DCP2: variants seen among roughly 807,000 people sequenced by gnomAD.
DCP2 encodes the protein decapping mRNA 2.
Under a neutral mutation model 56.1 loss-of-function variants are expected in DCP2, and 30 were observed. The observed-to-expected ratio is 0.53, with a 90% confidence interval of 0.40 to 0.73. The LOEUF is 0.73. Ranked by LOEUF, DCP2 falls within the 30% of genes least tolerant of loss-of-function variation. The pLI is 0.00. For missense variants in DCP2, 533 were observed against 502.7 expected, an observed-to-expected ratio of 1.06 and a Z score of -0.58; for synonymous variants, 197 against 163.3, an observed-to-expected ratio of 1.21 and a Z score of -1.57.
chr5:113,003,245 C>T (rs896575490), intron 7 of DCP2, among the ~76,000 whole-genome samples: 1 of 152,198 alleles, frequency 6.6e-6, no homozygotes, highest in Non-Finnish European at 1.5e-5. Context: ...CTGCGCTCAG[C>T]CTGCATTAGT....
chr5:112,986,122 A>T, intron 2 of DCP2, 136 bp downstream of exon 2: 1 of 771,852 alleles, frequency 1.3e-6, no homozygotes, highest in Non-Finnish European at 1.9e-6. Flanking sequence ...TGTCAAACAT[A>T]AATAGTAGAC....
In DCP2 at chr5:113,018,224, G is replaced by T. The variant is rs1251707622; in HGVS notation, c.*4740G>T. 3.3e-5 allele frequency: 5 copies of T among 152,136 alleles called. No individual in the cohort carries two copies. The East Asian group carries it at 9.6e-4, about 29-fold the overall frequency. The allele number at this position is 152,136 out of a possible 1,614,324, so 9.4% of individuals were successfully genotyped here. Reference sequence around the variant, plus strand: ...AAAGTTACTCTTATGCATGGGAGTGGGCTTAAAGGGTTGACTTCCACCAGC... The same window carrying T: ...AAAGTTACTCTTATGCATGGGAGTGTGCTTAAAGGGTTGACTTCCACCAGC... On this transcript the variant is annotated 3_prime_UTR_variant, in exon 11 of 11. Coordinates refer to ENST00000389063, the MANE Select transcript of DCP2 (RefSeq NM_152624.6).
At position 113,001,049 on chromosome 5, in the gene DCP2, A is replaced by C. The variant is rs1028918646; in HGVS notation, c.433-35A>C. 8 of 1,561,612 alleles carry C rather than the reference A, an allele frequency of 5.1e-6. No individual in the cohort carries two copies. In the Admixed American group the frequency reaches 8.1e-5, roughly 16 times the overall value. On this transcript the variant is annotated intron_variant, in intron 4 of 10. Coordinates refer to ENST00000389063, the MANE Select transcript of DCP2 (RefSeq NM_152624.6). ...TTAATGAACTAGAGGCCTAAGAACTAAAATGAAAATTTCATCCAAATTTGT... is the reference window on the plus strand; with the variant it reads ...TTAATGAACTAGAGGCCTAAGAACTCAAATGAAAATTTCATCCAAATTTGT...
chr5:112,991,428 C>G (rs776316026), intron 2 of DCP2, among the ~76,000 whole-genome samples: 1 of 152,190 alleles, frequency 6.6e-6, no homozygotes, highest in Non-Finnish European at 1.5e-5. Context: ...ATATTTTACA[C>G]TGCCCAGTTT....
intron 4 of DCP2, among the ~76,000 whole-genome samples, chr5:112,997,760 G>A (rs186035547): frequency 7.6e-4 from 116 of 151,846 alleles, no homozygotes; most frequent in African/African-American, 2.4e-3. Flanking sequence ...GATTACAGGC[G>A]CACGCCACCA....
chr5:112,982,843 T>C (rs990621552), intron 1 of DCP2, among the ~76,000 whole-genome samples: 1 of 152,250 alleles, frequency 6.6e-6, no homozygotes, highest in Non-Finnish European at 1.5e-5. Flanking sequence ...CTTGTCATGC[T>C]TCACATTTTC....
At position 112,999,745 on chromosome 5, in the gene DCP2, C is replaced by CT. The variant is rs557500307; in HGVS notation, c.433-1339_433-1338insT. Among the ~76,000 whole-genome samples the CT allele has an allele frequency of 5.3e-3, 803 of 151,742 alleles. 3 individuals are homozygous for CT. The highest frequency in any genetic ancestry group is 6.9e-3 in the Non-Finnish European group (471 of 67,910). On this transcript the variant is annotated intron_variant, in intron 4 of 10. Coordinates refer to ENST00000389063, the MANE Select transcript of DCP2 (RefSeq NM_152624.6). Reference sequence around the variant, plus strand: ...CCTTTGATCAAGTGATCCTCTCACCCCAGCCTACTGAGTAACTAGAAAAAC... The same window carrying CT: ...CCTTTGATCAAGTGATCCTCTCACCCTCAGCCTACTGAGTAACTAGAAAAAC...
At chr5:113,001,770 T>G in intron 7 of DCP2, 96 bp downstream of exon 7, 1 of 1,142,510 alleles carries the variant, frequency 8.8e-7, no homozygotes, top group Non-Finnish European at 1.3e-6. Context: ...GATGTAAGAT[T>G]TCTTTTTATA....
rs1382982276 is a variant in DCP2 at position 113,016,799 on chromosome 5, C to T, written c.*3315C>T. On this transcript the variant is annotated 3_prime_UTR_variant, in exon 11 of 11. Coordinates refer to ENST00000389063, the MANE Select transcript of DCP2 (RefSeq NM_152624.6). ...AGCAAAGTTAATTATAAAAATTAGACATTTTGCCAAGTTAGTTTTCTTACC... is the reference window on the plus strand; with the variant it reads ...AGCAAAGTTAATTATAAAAATTAGATATTTTGCCAAGTTAGTTTTCTTACC... 6.7e-6 allele frequency: 1 copy of T among 149,460 alleles called. No individual in the cohort carries two copies. Among genetic ancestry groups the T allele is most frequent in the East Asian group, 2.0e-4 (1 of 5,096 alleles). The allele number at this position is 149,460 out of a possible 1,614,324, so 9.3% of individuals were successfully genotyped here. A position where few individuals can be genotyped will look rare whatever the true frequency, so the allele number is the denominator to read the frequency against.
In DCP2 at chr5:113,014,746, G is replaced by T. The variant is rs1339246548; in HGVS notation, c.*1262G>T. 3 of 152,508 alleles carry T rather than the reference G, an allele frequency of 2.0e-5. No homozygotes were observed. The highest frequency in any genetic ancestry group is 6.5e-5 in the Admixed American group (1 of 15,278). 9.4% of individuals were successfully genotyped at this position (152,508 alleles called of 1,614,324 possible). On this transcript the variant is annotated 3_prime_UTR_variant, in exon 11 of 11. Transcript: ENST00000389063. ...TGAAGGAATTTCTTGGGAGTCGGGG[G>T]TGTTTGAGTATATGTGTGTGTGTGT... is the stretch of plus-strand genomic sequence containing the variant.
At chr5:113,004,711 G>C (rs1220387731) in intron 8 of DCP2, among the ~76,000 whole-genome samples, 3 of 151,960 alleles carry the variant, frequency 2.0e-5, no homozygotes, top group Non-Finnish European at 4.4e-5. Flanking sequence ...ATTTACTCAA[G>C]TTATTTATAT....
chr5:112,995,832 T>C (rs1286387618), intron 4 of DCP2, among the ~76,000 whole-genome samples: 2 of 152,206 alleles, frequency 1.3e-5, no homozygotes, highest in Non-Finnish European at 2.9e-5. Flanking sequence ...CATAACAAAA[T>C]ATCACAGATG....
At chr5:113,003,282 G>C (rs1014046164) in intron 7 of DCP2, among the ~76,000 whole-genome samples, 1 of 152,220 alleles carries the variant, frequency 6.6e-6, no homozygotes, top group Non-Finnish European at 1.5e-5. Context: ...TTCTTTTGCA[G>C]AAGAATTCGA....
intron 2 of DCP2, among the ~76,000 whole-genome samples, chr5:112,989,215 G>A (rs1387382125): frequency 6.6e-6 from 1 of 152,178 alleles, no homozygotes; most frequent in African/African-American, 2.4e-5. Context: ...CGATTTGGAG[G>A]CTGTGAGTTT....
At chr5:112,980,442 G>T (rs561688027) in intron 1 of DCP2, among the ~76,000 whole-genome samples, 2 of 152,134 alleles carry the variant, frequency 1.3e-5, no homozygotes, top group Non-Finnish European at 2.9e-5. Context: ...TGCAATCCTT[G>T]TGCTAATGTC....
At chr5:112,977,010 T>A in intron 1 of DCP2, 24 bp downstream of exon 1, 1 of 1,485,574 alleles carries the variant, frequency 6.7e-7, no homozygotes. Context: ...CGACCCCCTT[T>A]CGCCCCCGTC....
chr5:112,990,444 A>G (rs753742579), intron 2 of DCP2, among the ~76,000 whole-genome samples: 5 of 152,218 alleles, frequency 3.3e-5, no homozygotes, highest in Non-Finnish European at 5.9e-5. Flanking sequence ...ATTTTACTAA[A>G]CATGTAAAGC....
intron 10 of DCP2, among the ~76,000 whole-genome samples, chr5:113,011,586 T>C (rs978670132): frequency 1.3e-5 from 2 of 152,238 alleles, no homozygotes; most frequent in African/African-American, 4.8e-5. Context: ...ATTATCATAT[T>C]CTTTTTCTGT....
Position 113,013,533 on chromosome 5 carries a change from TTGAG to T in DCP2, c.*52_*55del, listed in dbSNP as rs749631981. ...TCCCAGGATCAGAGACCTGTTGAATTTGAGTGGGTGTCTCCTCAAGCCTTACCTT... is the reference window on the plus strand; with the variant it reads ...TCCCAGGATCAGAGACCTGTTGAATTTGGGTGTCTCCTCAAGCCTTACCTT... On this transcript the variant is annotated 3_prime_UTR_variant, in exon 11 of 11. Transcript: ENST00000389063. 1 of 1,601,932 alleles carries T rather than the reference TTGAG, an allele frequency of 6.2e-7. No homozygotes were observed. Among genetic ancestry groups the T allele is most frequent in the Non-Finnish European group, 8.5e-7 (1 of 1,172,444 alleles).
Sources: gnomAD v4.1 joint callset for allele counts (sites outside exome capture counted in the v4.1 genomes callset) on GRCh38, gnomAD v4.1.1 for gene constraint, MANE v1.5 for transcripts, NCBI Gene and HGNC (gene_info 2026-07-23, HGNC 2026-07-21) for gene names.